Variants in GAREM2 observed in about 807,000 individuals in gnomAD.
The protein encoded by GAREM2 is GRB2 associated regulator of MAPK1 subtype 2.
Under a neutral mutation model 55.6 loss-of-function variants are expected in GAREM2, and 30 were observed. The observed-to-expected ratio is 0.54, with a 90% CI of 0.40 to 0.73. The LOEUF (loss-of-function observed/expected upper bound fraction) is 0.73. Ranked by LOEUF, GAREM2 falls within the 30% of genes least tolerant of loss-of-function variation. GAREM2 has a pLI of 0.00. For missense variants in GAREM2, 1,075 were observed against 1,257.7 expected (o/e 0.85, Z 2.20); for synonymous variants, 550 against 569.1 (o/e 0.97, Z 0.48).
chr2:26,180,792 A>G, intron 2 of GAREM2: 1 of 414,248 alleles, frequency 2.4e-6, no homozygotes, highest in South Asian at 1.0e-4. Flanking sequence ...AGTTTTTTGT[A>G]TTTTTAGTAG....
chr2:26,195,387 A>G, the GAREM2 span, among the ~76,000 whole-genome samples: 8 of 152,174 alleles, frequency 5.3e-5, no homozygotes, highest in South Asian at 1.7e-3. Flanking sequence ...TGGGTCTTTG[A>G]TAAAAGTTTA....
chr2:26,195,409 G>A, the GAREM2 span, among the ~76,000 whole-genome samples: 23 of 152,134 alleles, frequency 1.5e-4, no homozygotes, highest in East Asian at 4.2e-3. Flanking sequence ...TATGTTTAGG[G>A]AGAGCACATT....
In GAREM2 at chr2:26,186,240, G is replaced by A. The variant is rs1379926283; in HGVS notation, c.1480G>A (p.Gly494Ser). The A allele has an allele frequency of 1.3e-6, 2 of 1,548,222 alleles. No individual in the cohort carries two copies. The highest frequency in any genetic ancestry group is 3.9e-5 in the Admixed American group (2 of 50,714). The part of the protein sequence containing the change: ...LNAPPVPPRG[G>S]NGSGRLSSSP... The stretch of plus-strand genomic sequence containing the variant: ...TGCCCCTCCAGTGCCTCCCCGGGGT[G>A]GCAATGGCAGCGGCCGGCTCTCCAG... The change falls in exon 5 of 6, where the codon GGC becomes AGC. Residue 494 changes from glycine (G) to serine (S), a missense_variant. Physicochemically the swap from Gly to Ser is moderately conservative, Grantham distance 56 (BLOSUM62 0). Transcript: ENST00000401533.
the GAREM2 span, among the ~76,000 whole-genome samples, chr2:26,201,674 G>A: frequency 6.6e-6 from 1 of 152,200 alleles, no homozygotes; most frequent in Non-Finnish European, 1.5e-5. Flanking sequence ...CAAAAGAGGA[G>A]TTCTGGTAAT....
At chr2:26,183,311 G>A (rs960491181) in intron 3 of GAREM2, among the ~76,000 whole-genome samples, 2 of 152,256 alleles carry the variant, frequency 1.3e-5, no homozygotes, top group African/African-American at 4.8e-5. Flanking sequence ...AGTGAAGCAG[G>A]AGCGGGTGTC....
chr2:26,195,056 T>C, the GAREM2 span: 4 of 1,583,098 alleles, frequency 2.5e-6, no homozygotes, highest in African/African-American at 2.7e-5. Flanking sequence ...TTAGAACTTT[T>C]CAAAAACTCT....
the GAREM2 span, among the ~76,000 whole-genome samples, chr2:26,199,019 C>T: frequency 4.6e-5 from 7 of 152,014 alleles, no homozygotes; most frequent in South Asian, 2.1e-4. Context: ...CTCAGCCTCC[C>T]GAGTAGCTGG....
rs1291230301 is a variant in GAREM2 at position 26,186,316 on chromosome 2, C to A, written c.1556C>A (p.Pro519His). The A allele has an allele frequency of 1.9e-6, 3 of 1,551,754 alleles. No individual in the cohort carries two copies. The Admixed American group carries it at 5.9e-5, about 30-fold the overall frequency. The change falls in exon 5 of 6, where the codon CCC (proline) becomes CAC (histidine). Residue 519 changes from proline to histidine, a missense_variant. Around this residue, in one of 6 missense-constraint regions of GAREM2, gnomAD observed 515 missense variants for 501.5 expected, o/e 1.03. Coordinates refer to ENST00000401533, the MANE Select transcript of GAREM2 (RefSeq NM_001168241.2). ...RFPKLQPVHS[P>H]SSSLSYYSSG... ...CCCAAGCTGCAGCCGGTACATTCCC[C>A]CAGCTCCAGCCTCTCCTACTACTCC...
intron 3 of GAREM2, among the ~76,000 whole-genome samples, chr2:26,183,987 A>G (rs1669137219): frequency 6.6e-6 from 1 of 152,262 alleles, no homozygotes; most frequent in Admixed American, 6.5e-5. Flanking sequence ...TTTTAATCCT[A>G]CAGCAGTTCT....
chr2:26,174,610 G>C (rs1443306081), intron 1 of GAREM2, among the ~76,000 whole-genome samples: 1 of 152,224 alleles, frequency 6.6e-6, no homozygotes, highest in Non-Finnish European at 1.5e-5. Context: ...GCCCAATAAA[G>C]ATTATGGATT....
rs559357885 is a variant in GAREM2 at position 26,188,934 on chromosome 2, A to G, written c.*677A>G. The G allele has an allele frequency of 1.3e-5, 2 of 152,104 alleles. No individual in the cohort carries two copies. Among genetic ancestry groups the G allele is most frequent in the South Asian group, 4.2e-4 (2 of 4,810 alleles). The allele number at this position is 152,104 out of a possible 1,614,324, so 9.4% of individuals were successfully genotyped here. A position where few individuals can be genotyped will look rare whatever the true frequency, so the allele number is the denominator to read the frequency against. ...AGAGCACAGCTCTGCAATTGACCCGACCCACTTATCTAGTTAGGAAGCCAG... is the reference window on the plus strand; with the variant it reads ...AGAGCACAGCTCTGCAATTGACCCGGCCCACTTATCTAGTTAGGAAGCCAG... On this transcript the variant is annotated 3_prime_UTR_variant, in exon 6 of 6. Transcript: ENST00000401533.
In GAREM2 at chr2:26,185,044, C is replaced by A. The variant is rs1336120409; in HGVS notation, c.1196C>A (p.Pro399Gln). The A allele has an allele frequency of 3.3e-6, 4 of 1,206,498 alleles. No individual in the cohort carries two copies. In the African/African-American group the frequency reaches 6.4e-5, roughly 19 times the overall value. 74.7% of individuals were successfully genotyped at this position (1,206,498 alleles called of 1,614,324 possible). A position where few individuals can be genotyped will look rare whatever the true frequency, so the allele number is the denominator to read the frequency against. The change falls in exon 4 of 6, where the codon CCG becomes CAG. Residue 399 changes from proline to glutamine, a missense_variant. This residue lies in a region of GAREM2 where 515 missense variants were observed against 501.5 expected (regional missense o/e 1.03). Coordinates refer to ENST00000401533, the MANE Select transcript of GAREM2 (RefSeq NM_001168241.2). ...GLARAPGPLA[P>Q]APAGEGDQEY... ...GCCCGCGCCCCCGGCCCGCTAGCGC[C>A]GGCTCCCGCCGGCGAGGGCGACCAG...
chr2:26,191,768 G>T, downstream of GAREM2: 1 of 852,242 alleles, frequency 1.2e-6, no homozygotes, highest in Non-Finnish European at 2.0e-6. Flanking sequence ...AGAAGATGCT[G>T]CCTGGGTGAA....
rs1668984864 is a variant in GAREM2 at position 26,179,801 on chromosome 2, A to AT, written c.254-3165dup. 6.6e-6 allele frequency among the ~76,000 whole-genome samples: 1 copy of AT among 152,002 alleles called. No individual in the cohort carries two copies. The highest frequency in any genetic ancestry group is 6.5e-5 in the Admixed American group (1 of 15,274). On this transcript the variant is annotated intron_variant, in intron 2 of 5. Transcript: ENST00000401533. This position sits in a 1 kb window ranked among gnomAD's most constrained non-coding sequence, Gnocchi z 4.7. The stretch of plus-strand genomic sequence containing the variant: ...GCGGAGGGGGATGGTGCTGGATGCC[A>AT]TGGTTACATCGATCTTTCCTGCCAC...
rs749166184 is a variant in GAREM2, at chr2:26,186,370, C to T, written c.1598+12C>T. 6.4e-7 allele frequency: 1 copy of T among 1,551,070 alleles called. No homozygotes were observed. The highest frequency in any genetic ancestry group is 2.4e-5 in the East Asian group (1 of 40,880). On this transcript the variant is annotated intron_variant, in intron 5 of 5. Coordinates refer to ENST00000401533, the MANE Select transcript of GAREM2 (RefSeq NM_001168241.2). ...GGCCTCCAGGATGGGTGAGTCCCTG[C>T]CTTCCCTTGGTCCTGAGTTCTAAGG...
At position 26,179,185 on chromosome 2, in the gene GAREM2, C is replaced by A. The variant is rs1668964093; in HGVS notation, c.253+2701C>A. 6.6e-6 allele frequency among the ~76,000 whole-genome samples: 1 copy of A among 152,110 alleles called. No individual in the cohort carries two copies. The highest frequency in any genetic ancestry group is 2.4e-5 in the African/African-American group (1 of 41,424). On this transcript the variant is annotated intron_variant, in intron 2 of 5. Transcript: ENST00000401533. This position sits in a 1 kb window ranked among gnomAD's most constrained non-coding sequence, Gnocchi z 4.7. The stretch of plus-strand genomic sequence containing the variant: ...GAGACCTGGCCTGGCCCCGTACTGT[C>A]CCCCGTCCCAGCCCCCGCCCCTGGC...
chr2:26,188,340 A>C lies in GAREM2; in HGVS notation c.*83A>C, dbSNP rs935220490. On this transcript the variant is annotated 3_prime_UTR_variant, in exon 6 of 6. Coordinates refer to ENST00000401533, the MANE Select transcript of GAREM2 (RefSeq NM_001168241.2). Reference sequence around the variant, plus strand: ...CTCCGGAGGAGCAGGTGCTGCCTGCAAGAAGGATCTATGTCGAGACTGAGG... The same window carrying C: ...CTCCGGAGGAGCAGGTGCTGCCTGCCAGAAGGATCTATGTCGAGACTGAGG... The C allele has an allele frequency of 1.1e-5, 12 of 1,089,142 alleles. No individual in the cohort carries two copies. Among genetic ancestry groups the C allele is most frequent in the Non-Finnish European group, 1.5e-5 (12 of 792,640 alleles). 67.5% of individuals were successfully genotyped at this position (1,089,142 alleles called of 1,614,324 possible).
rs1039134775 is a variant in GAREM2 at position 26,187,633 on chromosome 2, C to T, written c.2001C>T (p.Gly667=). The change falls in exon 6 of 6, where the codon GGC becomes GGT. Residue 667 remains glycine (G), a synonymous_variant. Transcript: ENST00000401533. ...CCTCTGGCCCTGCGTATTCCCCAGG[C>T]CCAGCCTCGCCAGGCCAGGCCTATT... ...VATSGPAYSP[G]PASPGQAYSA... The T allele has an allele frequency of 1.9e-6, 3 of 1,548,314 alleles. No individual in the cohort carries two copies. Among genetic ancestry groups the T allele is most frequent in the Non-Finnish European group, 2.6e-6 (3 of 1,145,210 alleles).
chr2:26,175,735 C>T (rs947515513), intron 1 of GAREM2, among the ~76,000 whole-genome samples: 8 of 152,294 alleles, frequency 5.3e-5, no homozygotes, highest in Non-Finnish European at 8.8e-5. Flanking sequence ...CTGACCTGAG[C>T]GACCCGTGGC....
Sources: allele counts gnomAD v4.1 joint callset (sites outside exome capture counted in the v4.1 genomes callset), GRCh38; gene constraint gnomAD v4.1.1; regional missense constraint gnomAD v4.1.1; non-coding constraint Gnocchi (gnomAD v3.1); transcripts MANE v1.5; gene names NCBI Gene and HGNC (gene_info 2026-07-23, HGNC 2026-07-21).